PRDM5: variants seen among roughly 807,000 people sequenced by gnomAD.
The protein encoded by PRDM5 is PR domain zinc finger protein 5.
In PRDM5, 56 loss-of-function variants were observed where a neutral mutation model predicts 81.2. The ratio of observed to expected loss-of-function variants is 0.69; its 90% confidence interval spans 0.56 to 0.86. The LOEUF (loss-of-function observed/expected upper bound fraction) is 0.86. Ranked by LOEUF, PRDM5 falls within the 40% of genes least tolerant of loss-of-function variation. The probability of loss-of-function intolerance (pLI) is 0.00; values close to 1 mark genes in which losing one functional copy is unlikely to be tolerated. For synonymous variants in PRDM5, 267 were observed against 256.4 expected, an observed-to-expected ratio of 1.04 and a Z score of -0.39; for missense variants, 697 against 770.1, an observed-to-expected ratio of 0.91 and a Z score of 1.12.
At chr4:120,793,292 T>A (rs945740695) in intron 10 of PRDM5, among the ~76,000 whole-genome samples, 5 of 152,210 alleles carry the variant, frequency 3.3e-5, no homozygotes, top group Admixed American at 6.5e-5. Context: ...TAATGCCTGA[T>A]GATCTGTCAC....
chr4:120,821,348 G>C lies in PRDM5; in HGVS notation c.301-3C>G. On this transcript the variant is annotated splice_polypyrimidine_tract_variant and splice_region_variant and intron_variant, in intron 3 of 15. Coordinates refer to ENST00000264808, the MANE Select transcript of PRDM5 (RefSeq NM_018699.4). ...AAATAGAAAATGTTTTCTCCTTCCT[G>C]AAACAAATTTTTTTAAATGCTGAAC... The C allele has an allele frequency of 6.2e-7, 1 of 1,612,702 alleles. No homozygotes were observed. The highest frequency in any genetic ancestry group is 8.5e-7 in the Non-Finnish European group (1 of 1,179,092).
chr4:120,745,018 T>C (rs905126839), intron 14 of PRDM5, among the ~76,000 whole-genome samples: 4 of 149,574 alleles, frequency 2.7e-5, no homozygotes, highest in Non-Finnish European at 5.9e-5. Context: ...TTAACACTGA[T>C]GCAAAAATCC....
intron 1 of PRDM5, chr4:120,685,121 T>C (rs977243511): frequency 2.0e-5 from 3 of 152,082 alleles, no homozygotes; most frequent in African/African-American, 7.2e-5. Flanking sequence ...CCAGTTTTTA[T>C]TACTTATGGC....
chr4:120,741,586 G>C (rs532712397), intron 14 of PRDM5, among the ~76,000 whole-genome samples: 1 of 151,974 alleles, frequency 6.6e-6, no homozygotes, highest in East Asian at 2.0e-4. Flanking sequence ...TGCACGAGCC[G>C]AAGCAGGGCC....
At position 120,762,206 on chromosome 4, in the gene PRDM5, G is replaced by C. The variant is rs80045123; in HGVS notation, c.1538-7568C>G. Among the ~76,000 whole-genome samples the C allele has an allele frequency of 1.3e-4, 20 of 152,068 alleles. 1 individual carries two copies. In the East Asian group the frequency reaches 3.9e-3, roughly 29 times the overall value. On this transcript the variant is annotated intron_variant, in intron 13 of 15. Transcript: ENST00000264808. ...CACACAGAAAATGTAATTTAAAATG[G>C]AATAAAGTCAAACTCATTTATTTTC...
Position 120,794,647 on chromosome 4 carries a change from G to A in PRDM5, c.1188+3620C>T, listed in dbSNP as rs924705450. Reference sequence around the variant, plus strand: ...TCTACTTTTTTTTTTTTTTTAAGACGGAGTTTCGCTCTGTTGCTCAGGCTG... The same window carrying A: ...TCTACTTTTTTTTTTTTTTTAAGACAGAGTTTCGCTCTGTTGCTCAGGCTG... On this transcript the variant is annotated intron_variant, in intron 10 of 15. Transcript: ENST00000264808. Among the ~76,000 whole-genome samples, 13 of 147,112 alleles carry A rather than the reference G, an allele frequency of 8.8e-5. No individual in the cohort carries two copies. The South Asian group carries it at 1.1e-3, about 12-fold the overall frequency.
At chr4:120,905,415 A>C (rs1765692371) in intron 2 of PRDM5, among the ~76,000 whole-genome samples, 1 of 152,224 alleles carries the variant, frequency 6.6e-6, no homozygotes, top group African/African-American at 2.4e-5. Flanking sequence ...GTTAACATCT[A>C]ACAATCAAAT....
chr4:120,745,977 C>A (rs1296344988), intron 14 of PRDM5, among the ~76,000 whole-genome samples: 1 of 150,518 alleles, frequency 6.6e-6, no homozygotes, highest in African/African-American at 2.5e-5. Flanking sequence ...ATTTCCAAGT[C>A]AATCCTAAGC....
In PRDM5 at chr4:120,699,193, T is replaced by G. The variant is rs1452535530; in HGVS notation, c.1729-3918A>C. On this transcript the variant is annotated intron_variant, in intron 15 of 15. Coordinates refer to ENST00000264808, the MANE Select transcript of PRDM5 (RefSeq NM_018699.4). The stretch of plus-strand genomic sequence containing the variant: ...ATATATATATATATATATATATATA[T>G]ATATATATATATTTCAGATGTCTCC... Among the ~76,000 whole-genome samples, 4 of 128,946 alleles carry G rather than the reference T, an allele frequency of 3.1e-5. No homozygotes were observed. The South Asian group carries it at 1.0e-3, about 33-fold the overall frequency. 84.6% of individuals were successfully genotyped at this position (128,946 alleles called of 152,430 possible).
chr4:120,745,461 G>A (rs1020356771), intron 14 of PRDM5, among the ~76,000 whole-genome samples: 3 of 149,808 alleles, frequency 2.0e-5, no homozygotes, highest in African/African-American at 5.0e-5. Flanking sequence ...GAAATAAAGG[G>A]TATTCAATTA....
At chr4:120,777,401 A>G in intron 12 of PRDM5, 120 bp from the exon 13 acceptor site, 1 of 1,506,994 alleles carries the variant, frequency 6.6e-7, no homozygotes, top group Non-Finnish European at 8.9e-7. Flanking sequence ...AAAATGATTT[A>G]ATTTCACAAT....
intron 13 of PRDM5, among the ~76,000 whole-genome samples, chr4:120,763,959 AC>A (rs1746003777): frequency 6.6e-6 from 1 of 151,910 alleles, no homozygotes; most frequent in South Asian, 2.1e-4. Flanking sequence ...AAGATATAAA[AC>A]CTTCCCCAGC....
chr4:120,886,099 T>A (rs1005557331), intron 2 of PRDM5, among the ~76,000 whole-genome samples: 2 of 152,154 alleles, frequency 1.3e-5, no homozygotes, highest in African/African-American at 2.4e-5. Flanking sequence ...AGGACTAATG[T>A]CAGGAAGAAT....
At chr4:120,753,226 A>T (rs1017648297) in intron 14 of PRDM5, among the ~76,000 whole-genome samples, 1 of 152,204 alleles carries the variant, frequency 6.6e-6, no homozygotes, top group Non-Finnish European at 1.5e-5. Flanking sequence ...CATGTAAAAT[A>T]ACCTCCTAAT....
chr4:120,818,256 G>GCA lies in PRDM5; in HGVS notation c.650+95_650+96dup, dbSNP rs36062004. 0.19 allele frequency: 230,947 copies of GCA among 1,191,072 alleles called. 11,455 individuals are homozygous for GCA. Among genetic ancestry groups the GCA allele is most frequent in the Non-Finnish European group, 0.22 (180,917 of 832,788 alleles). 73.8% of individuals were successfully genotyped at this position (1,191,072 alleles called of 1,614,324 possible). ...ACACAAAACATGCGCGTGCGCGCGT[G>GCA]CACACACACACACACAGGTTAAAAA... is the stretch of plus-strand genomic sequence containing the variant. On this transcript the variant is annotated intron_variant, in intron 5 of 15. Coordinates refer to ENST00000264808, the MANE Select transcript of PRDM5 (RefSeq NM_018699.4).
At chr4:120,773,370 G>T (rs551279292) in intron 13 of PRDM5, among the ~76,000 whole-genome samples, 1 of 152,276 alleles carries the variant, frequency 6.6e-6, no homozygotes, top group East Asian at 1.9e-4. Flanking sequence ...CCAAGTGCTT[G>T]AAGGCTTCTG....
At chr4:120,717,075 A>G (rs1737893396) in intron 14 of PRDM5, among the ~76,000 whole-genome samples, 1 of 152,090 alleles carries the variant, frequency 6.6e-6, no homozygotes, top group Non-Finnish European at 1.5e-5. Context: ...AAAAAAAAAA[A>G]AAAACTTCAT....
At chr4:120,821,020 C>T in intron 4 of PRDM5, 151 bp downstream of exon 4, 4 of 935,556 alleles carry the variant, frequency 4.3e-6, no homozygotes, top group South Asian at 4.1e-5. Flanking sequence ...AAGATGAGTC[C>T]ACCACAGGAT....
At chr4:120,888,419 G>C (rs1047890400) in intron 2 of PRDM5, among the ~76,000 whole-genome samples, 30 of 152,268 alleles carry the variant, frequency 2.0e-4, no homozygotes, top group African/African-American at 7.0e-4. Flanking sequence ...TTGTTACTGA[G>C]ATTCACCCAT....
Sources: gnomAD v4.1 joint callset for allele counts (sites outside exome capture counted in the v4.1 genomes callset) on GRCh38, gnomAD v4.1.1 for gene constraint, MANE v1.5 for transcripts, NCBI Gene and HGNC (gene_info 2026-07-23, HGNC 2026-07-21) for gene names.